Variants in SDR42E1 observed in about 807,000 individuals in gnomAD.
The protein encoded by SDR42E1 is short-chain dehydrogenase/reductase family 42E member 1.
In SDR42E1, 5 loss-of-function variants were observed where a neutral mutation model predicts 2.6. The ratio of observed to expected loss-of-function variants is 1.94; its 90% CI spans 1.01 to 4.08. The LOEUF is 4.08. SDR42E1 is among the 30% of genes most tolerant of loss of function. SDR42E1 has a pLI of 0.00. For synonymous variants in SDR42E1, 231 were observed against 188.3 expected (o/e 1.23, Z -1.86); for missense variants, 596 against 478.6 (o/e 1.25, Z -2.29).
intron 1 of SDR42E1, among the ~76,000 whole-genome samples, chr16:82,003,221 G>A (rs1912825124): frequency 6.6e-6 from 1 of 152,188 alleles, no homozygotes; most frequent in African/African-American, 2.4e-5. Context: ...TGCCACGGTT[G>A]TGCTTTCAAG....
At position 81,997,629 on chromosome 16, in the gene SDR42E1, C is replaced by T. The variant is rs1912573079; in HGVS notation, c.*1482G>A. 1 of 152,236 alleles carries T rather than the reference C, an allele frequency of 6.6e-6. No individual in the cohort carries two copies. The highest frequency in any genetic ancestry group is 6.5e-5 in the Admixed American group (1 of 15,288). 9.4% of individuals were successfully genotyped at this position (152,236 alleles called of 1,614,324 possible). On this transcript the variant is annotated 3_prime_UTR_variant, in exon 3 of 3. Coordinates refer to ENST00000328945, the MANE Select transcript of SDR42E1 (RefSeq NM_145168.3). The stretch of plus-strand genomic sequence containing the variant: ...GACTCCAAACACGTTTTCCTAAAAA[C>T]AATCACTACCATCACCTCATACTGA...
rs758192799 is a variant in SDR42E1, at chr16:81,999,204, G to A, written c.1089C>T (p.Asp363=). The part of the protein sequence containing the change: ...HGHGRSSGSR[D]SECFVWDGLL... ...GCCCATCCCAAACAAAACACTCCGA[G>A]TCACGACTTCCAGAACTTCTGCCAT... is the stretch of plus-strand genomic sequence containing the variant. Residue 363 remains aspartate, a synonymous_variant, in exon 3 of 3, where the codon GAC becomes GAT. Coordinates refer to ENST00000328945, the MANE Select transcript of SDR42E1 (RefSeq NM_145168.3). 1.9e-6 allele frequency: 3 copies of A among 1,614,220 alleles called. No individual in the cohort carries two copies. Among genetic ancestry groups the A allele is most frequent in the South Asian group, 1.1e-5 (1 of 91,090 alleles).
At chr16:82,000,940 C>T (rs1912738282) in intron 1 of SDR42E1, 56 bp from the exon 2 acceptor site, 2 of 1,259,556 alleles carry the variant, frequency 1.6e-6, no homozygotes, top group Admixed American at 2.0e-5. Context: ...GTCATTCTCC[C>T]TAATTTTGAC....
chr16:82,011,138 T>C (rs905869875), intron 1 of SDR42E1, among the ~76,000 whole-genome samples: 1 of 152,186 alleles, frequency 6.6e-6, no homozygotes, highest in African/African-American at 2.4e-5. Flanking sequence ...GGCCCCGATG[T>C]CCTTAAAAAC....
intron 1 of SDR42E1, among the ~76,000 whole-genome samples, chr16:82,008,138 G>A (rs969984444): frequency 2.0e-5 from 3 of 152,208 alleles, no homozygotes; most frequent in African/African-American, 7.2e-5. Flanking sequence ...CACCATGTAA[G>A]ACGTGACTTT....
At position 81,991,499 on chromosome 16, in the gene SDR42E1, T is replaced by C. The variant is rs964507289; in HGVS notation, c.*7612A>G. 6.6e-5 allele frequency: 10 copies of C among 152,122 alleles called. No homozygotes were observed. The highest frequency in any genetic ancestry group is 6.6e-4 in the Admixed American group (10 of 15,264). 9.4% of individuals were successfully genotyped at this position (152,122 alleles called of 1,614,324 possible). A position where few individuals can be genotyped will look rare whatever the true frequency, so the allele number is the denominator to read the frequency against. On this transcript the variant is annotated 3_prime_UTR_variant, in exon 3 of 3. Transcript: ENST00000328945. ...TGGGAGGCCGAGGCAAGAGGATTGC[T>C]TGGGGCAAGGAATTCAAGACCAGCC...
At position 81,998,161 on chromosome 16, in the gene SDR42E1, T is replaced by A. The variant is rs1912593528; in HGVS notation, c.*950A>T. The A allele has an allele frequency of 6.6e-6, 1 of 152,188 alleles. No homozygotes were observed. Among genetic ancestry groups the A allele is most frequent in the Non-Finnish European group, 1.5e-5 (1 of 68,040 alleles). The allele number at this position is 152,188 out of a possible 1,614,324, so 9.4% of individuals were successfully genotyped here. On this transcript the variant is annotated 3_prime_UTR_variant, in exon 3 of 3. Coordinates refer to ENST00000328945, the MANE Select transcript of SDR42E1 (RefSeq NM_145168.3). ...GCTGTCTTCAGAGAGCCAATCTTCT[T>A]CCCAGTAAGAAAACCCATCTATGAG... is the stretch of plus-strand genomic sequence containing the variant.
In SDR42E1 at chr16:81,992,246, G is replaced by A. The variant is rs928492957; in HGVS notation, c.*6865C>T. On this transcript the variant is annotated 3_prime_UTR_variant, in exon 3 of 3. Coordinates refer to ENST00000328945, the MANE Select transcript of SDR42E1 (RefSeq NM_145168.3). ...AACTATTAACAATGTTCATCTTTGA[G>A]TAATTTAGTTAACTAGGGTGACAGG... The A allele has an allele frequency of 6.6e-6, 1 of 152,200 alleles. No individual in the cohort carries two copies. Among genetic ancestry groups the A allele is most frequent in the African/African-American group, 2.4e-5 (1 of 41,436 alleles). The allele number at this position is 152,200 out of a possible 1,614,324, so 9.4% of individuals were successfully genotyped here.
intron 1 of SDR42E1, among the ~76,000 whole-genome samples, chr16:82,010,234 G>A (rs938962531): frequency 1.3e-5 from 2 of 152,200 alleles, no homozygotes; most frequent in African/African-American, 4.8e-5. Flanking sequence ...ATCTTCCGAA[G>A]TTGTTACTAG....
chr16:81,991,364 T>C lies in SDR42E1; in HGVS notation c.*7747A>G, dbSNP rs1912424255. On this transcript the variant is annotated 3_prime_UTR_variant, in exon 3 of 3. Coordinates refer to ENST00000328945, the MANE Select transcript of SDR42E1 (RefSeq NM_145168.3). ...AGTTTACTTTAATTGCAAATGAAGT[T>C]CGAGTAACACTTAGCCTTGAATAAT... 1 of 152,160 alleles carries C rather than the reference T, an allele frequency of 6.6e-6. No individual in the cohort carries two copies. The highest frequency in any genetic ancestry group is 2.4e-5 in the African/African-American group (1 of 41,420). 9.4% of individuals were successfully genotyped at this position (152,160 alleles called of 1,614,324 possible).
intron 1 of SDR42E1, among the ~76,000 whole-genome samples, chr16:82,010,574 T>G (rs1443279504): frequency 6.6e-6 from 1 of 152,208 alleles, no homozygotes; most frequent in African/African-American, 2.4e-5. Flanking sequence ...GCATATCTGA[T>G]TGCTTCCTTT....
rs563247574 is a variant in SDR42E1, at chr16:82,004,622, T to A, written c.-26-3738A>T. Reference sequence around the variant, plus strand: ...CTCAAGCGATCCTCCTACCTCAGCATCCTGAGTAGCTGGGACTACAGGCGT... The same window carrying A: ...CTCAAGCGATCCTCCTACCTCAGCAACCTGAGTAGCTGGGACTACAGGCGT... On this transcript the variant is annotated intron_variant, in intron 1 of 2. Coordinates refer to ENST00000328945, the MANE Select transcript of SDR42E1 (RefSeq NM_145168.3). Among the ~76,000 whole-genome samples the A allele has an allele frequency of 3.3e-5, 5 of 152,342 alleles. No homozygotes were observed. In the South Asian group the frequency reaches 1.0e-3, roughly 32 times the overall value.
chr16:82,000,151 G>C lies in SDR42E1; in HGVS notation c.142C>G (p.Pro48Ala). The C allele has an allele frequency of 6.2e-7, 1 of 1,614,080 alleles. No individual in the cohort carries two copies. Among genetic ancestry groups the C allele is most frequent in the Non-Finnish European group, 8.5e-7 (1 of 1,180,006 alleles). The change falls in exon 3 of 3, where the codon CCA becomes GCA. Residue 48 changes from proline (P) to alanine (A), a missense_variant. Transcript: ENST00000328945. Reference sequence around the variant, plus strand: ...CCTTGTATAAACTTGATTCCTTCTGGAATGGTTTGAGCAGGGCTGCTGATG... The same window carrying C: ...CCTTGTATAAACTTGATTCCTTCTGCAATGGTTTGAGCAGGGCTGCTGATG... ...FDISSPAQTI[P>A]EGIKFIQGDI...
rs113179416 is a variant in SDR42E1, at chr16:82,009,587, G to A, written c.-27+1800C>T. Among the ~76,000 whole-genome samples, 1,023 of 152,348 alleles carry A rather than the reference G, an allele frequency of 6.7e-3. 17 individuals are homozygous for A. The highest frequency in any genetic ancestry group is 0.066 in the South Asian group (319 of 4,824). On this transcript the variant is annotated intron_variant, in intron 1 of 2. Transcript: ENST00000328945. ...GTGGCCAATTTCTCCTTTTTGGAATGAGTATACTTACCCAATACCTGTACC... is the reference window on the plus strand; with the variant it reads ...GTGGCCAATTTCTCCTTTTTGGAATAAGTATACTTACCCAATACCTGTACC...
rs1448793625 is a variant in SDR42E1 at position 81,996,983 on chromosome 16, C to A, written c.*2128G>T. The A allele has an allele frequency of 6.6e-6, 1 of 152,190 alleles. No individual in the cohort carries two copies. The highest frequency in any genetic ancestry group is 1.5e-5 in the Non-Finnish European group (1 of 68,080). 9.4% of individuals were successfully genotyped at this position (152,190 alleles called of 1,614,324 possible). On this transcript the variant is annotated 3_prime_UTR_variant, in exon 3 of 3. Coordinates refer to ENST00000328945, the MANE Select transcript of SDR42E1 (RefSeq NM_145168.3). Reference sequence around the variant, plus strand: ...TCTCAGAAAGGCCTGATGTGGCACCCCAGAGAGCTGTTCAGACAGTAAGGC... The same window carrying A: ...TCTCAGAAAGGCCTGATGTGGCACCACAGAGAGCTGTTCAGACAGTAAGGC...
chr16:82,003,962 G>A (rs1413762869), intron 1 of SDR42E1, among the ~76,000 whole-genome samples: 2 of 152,146 alleles, frequency 1.3e-5, no homozygotes, highest in Admixed American at 1.3e-4. Context: ...GCTCTGCAGT[G>A]TCTAAGAGCT....
At chr16:82,005,168 CCATAGGTCAATCA>C (rs1406592096) in intron 1 of SDR42E1, among the ~76,000 whole-genome samples, 1 of 152,144 alleles carries the variant, frequency 6.6e-6, no homozygotes, top group African/African-American at 2.4e-5. Context: ...AGTCACAAGA[CCATAGGTCAATCA>C]TGGTTCATGT....
rs1912626341 is a variant in SDR42E1 at position 81,998,944 on chromosome 16, A to G, written c.*167T>C. On this transcript the variant is annotated 3_prime_UTR_variant, in exon 3 of 3. Coordinates refer to ENST00000328945, the MANE Select transcript of SDR42E1 (RefSeq NM_145168.3). ...CTTCTGCTTTTTCATTCCCATCTGG[A>G]TTAGTGCAAGGAAATAAGACATAAA... 9 of 685,798 alleles carry G rather than the reference A, an allele frequency of 1.3e-5. No homozygotes were observed. The highest frequency in any genetic ancestry group is 2.1e-5 in the Non-Finnish European group (9 of 419,808). The allele number at this position is 685,798 out of a possible 1,614,324, so 42.5% of individuals were successfully genotyped here.
intron 2 of SDR42E1, 151 bp from the exon 3 acceptor site, chr16:82,000,375 C>A (rs779095729): frequency 3.2e-6 from 3 of 942,554 alleles, no homozygotes; most frequent in South Asian, 2.7e-5. Flanking sequence ...TTGGTGCAAG[C>A]CTCGCTTCTT....
Sources: allele counts gnomAD v4.1 joint callset (sites outside exome capture counted in the v4.1 genomes callset), GRCh38; gene constraint gnomAD v4.1.1; transcripts MANE v1.5; gene names NCBI Gene and HGNC (gene_info 2026-07-23, HGNC 2026-07-21).